C4orf51: variants seen among roughly 807,000 people sequenced by gnomAD.
The protein encoded by C4orf51 is chromosome 4 open reading frame 51.
In C4orf51, 25 loss-of-function variants were observed where a neutral mutation model predicts 25.2. The ratio of observed to expected loss-of-function variants is 0.99; its 90% CI spans 0.72 to 1.39. The LOEUF (loss-of-function observed/expected upper bound fraction) is 1.39, where lower values mean the gene tolerates loss of function less well. C4orf51 is among the 40% of genes most tolerant of loss of function. The probability of loss-of-function intolerance (pLI) is 0.00; values close to 1 mark genes in which losing one functional copy is unlikely to be tolerated. For synonymous variants in C4orf51, 100 were observed against 84.5 expected (o/e 1.18, Z -1.01); for missense variants, 252 against 239.6 (o/e 1.05, Z -0.34).
intron 5 of C4orf51, among the ~76,000 whole-genome samples, chr4:145,731,064 A>G (rs1732427945): frequency 6.6e-6 from 1 of 152,314 alleles, no homozygotes; most frequent in Admixed American, 6.5e-5. Flanking sequence ...CCTGAAAGTT[A>G]TATTGTGTGG....
At chr4:145,775,760 C>A, downstream of C4orf51, 1 of 1,612,240 alleles carries the variant, frequency 6.2e-7, no homozygotes, top group Non-Finnish European at 8.5e-7. Flanking sequence ...CTGAGAAAGG[C>A]GGACTAGCAT....
downstream of C4orf51, among the ~76,000 whole-genome samples, chr4:145,734,588 T>G (rs1297551927): frequency 6.6e-6 from 1 of 152,200 alleles, no homozygotes; most frequent in Admixed American, 6.5e-5. Flanking sequence ...CCCTTTGCTG[T>G]TCCTCCTGTT....
chr4:145,694,993 G>A (rs906564806), intron 1 of C4orf51, among the ~76,000 whole-genome samples: 18 of 152,280 alleles, frequency 1.2e-4, no homozygotes, highest in Non-Finnish European at 2.5e-4. Context: ...TTTATTTAAT[G>A]GGATTGTGGG....
At chr4:145,776,675 A>G in the C4orf51 span, among the ~76,000 whole-genome samples, 6 of 152,148 alleles carry the variant, frequency 3.9e-5, no homozygotes, top group Non-Finnish European at 7.3e-5. Flanking sequence ...GAGGGGGAAT[A>G]AAACACAGCA....
intron 1 of C4orf51, among the ~76,000 whole-genome samples, chr4:145,688,572 C>G (rs1389384554): frequency 1.3e-5 from 2 of 152,202 alleles, no homozygotes; most frequent in Non-Finnish European, 2.9e-5. Flanking sequence ...TCTCCTGCCA[C>G]CATTTAAGAT....
At chr4:145,732,804 G>T, downstream of C4orf51, 2 of 348,530 alleles carry the variant, frequency 5.7e-6, no homozygotes, top group Non-Finnish European at 5.2e-6. Flanking sequence ...TAAATACTTG[G>T]GACCACATTT....
intron 2 of C4orf51, among the ~76,000 whole-genome samples, chr4:145,709,135 A>G (rs974586278): frequency 1.5e-4 from 23 of 152,204 alleles, no homozygotes; most frequent in African/African-American, 5.5e-4. Flanking sequence ...ATAAAGTAGT[A>G]ACCTCCAGAG....
At chr4:145,747,220 T>C (rs546561523) in intron 1 of C4orf51, among the ~76,000 whole-genome samples, 16 of 152,252 alleles carry the variant, frequency 1.1e-4, no homozygotes, top group Admixed American at 1.0e-3. Context: ...AGCTATGGCT[T>C]CCAGTACTAT....
At chr4:145,724,638 T>C (rs1731937497) in intron 2 of C4orf51, among the ~76,000 whole-genome samples, 1 of 151,854 alleles carries the variant, frequency 6.6e-6, no homozygotes, top group Admixed American at 6.6e-5. Flanking sequence ...TCCCAGCACT[T>C]TGAGAGGCTG....
At chr4:145,705,672 C>T (rs559680514) in intron 2 of C4orf51, among the ~76,000 whole-genome samples, 20 of 152,210 alleles carry the variant, frequency 1.3e-4, no homozygotes, top group African/African-American at 4.8e-4. Flanking sequence ...CAGGATTTTG[C>T]CTCTGTCGTG....
Position 145,765,405 on chromosome 4 carries a change from A to G in C4orf51, n.167-5583A>G, listed in dbSNP as rs1735135695. 8.9e-7 allele frequency: 1 copy of G among 1,128,226 alleles called. No homozygotes were observed. The highest frequency in any genetic ancestry group is 1.2e-6 in the Non-Finnish European group (1 of 811,900). 69.9% of individuals were successfully genotyped at this position (1,128,226 alleles called of 1,614,324 possible). On this transcript the variant is annotated intron_variant and non_coding_transcript_variant, in intron 1 of 1. Coordinates refer to the C4orf51 transcript ENST00000510096. This position sits in a 1 kb window ranked among gnomAD's most constrained non-coding sequence, Gnocchi z 4.7. ...GGATTCAAATTAAGCCAAAAGAAAT[A>G]CAACCTTTAGGTGAGGCCCAGCATA...
the C4orf51 span, among the ~76,000 whole-genome samples, chr4:145,787,718 T>C: frequency 6.6e-6 from 1 of 152,142 alleles, no homozygotes; most frequent in Admixed American, 6.5e-5. Context: ...ACCCATCTGA[T>C]AGAATTCAGG....
chr4:145,683,318 G>A (rs999009117), intron 1 of C4orf51, among the ~76,000 whole-genome samples: 1 of 152,164 alleles, frequency 6.6e-6, no homozygotes, highest in Non-Finnish European at 1.5e-5. Flanking sequence ...TTATCAAGAT[G>A]TCAGCCCTTC....
chr4:145,739,272 C>T (rs1228874631), intron 1 of C4orf51, among the ~76,000 whole-genome samples: 1 of 152,200 alleles, frequency 6.6e-6, no homozygotes, highest in African/African-American at 2.4e-5. Flanking sequence ...TCAGAAAAGA[C>T]TGTGCAGTGA....
At chr4:145,749,536 A>G (rs1022348511) in intron 1 of C4orf51, among the ~76,000 whole-genome samples, 4 of 151,450 alleles carry the variant, frequency 2.6e-5, no homozygotes, top group African/African-American at 9.7e-5. Flanking sequence ...CACTGGTGAT[A>G]TGATTTAGTT....
downstream of C4orf51, chr4:145,758,675 A>G (rs983415177): frequency 6.6e-6 from 1 of 152,208 alleles, no homozygotes; most frequent in African/African-American, 2.4e-5. Flanking sequence ...TCTTTTACTG[A>G]GACATTGACG....
At chr4:145,729,517 G>A (rs1428402689) in intron 4 of C4orf51, among the ~76,000 whole-genome samples, 14 of 151,978 alleles carry the variant, frequency 9.2e-5, no homozygotes, top group Admixed American at 3.9e-4. Flanking sequence ...TAGCCAGGAT[G>A]GTCTCGATCT....
At chr4:145,766,459 G>T (rs940762593) in intron 1 of C4orf51, among the ~76,000 whole-genome samples, 5 of 152,188 alleles carry the variant, frequency 3.3e-5, no homozygotes, top group Non-Finnish European at 7.3e-5. Context: ...CAAAAGAGGT[G>T]AGCCATATGA....
At position 145,696,684 on chromosome 4, in the gene C4orf51, G is replaced by A. The variant is rs111798737; in HGVS notation, c.307+52G>A. On this transcript the variant is annotated intron_variant, in intron 2 of 5. Coordinates refer to ENST00000438731, the MANE Select transcript of C4orf51 (RefSeq NM_001080531.3). ...GCCCAGCCCTTTTGCCAGGGTTGCT[G>A]TGTTTCTTTCAGGTTCTTTTTTTTT... The A allele has an allele frequency of 1.8e-4, 244 of 1,384,064 alleles. No homozygotes were observed. The African/African-American group carries it at 2.9e-3, about 17-fold the overall frequency. 85.7% of individuals were successfully genotyped at this position (1,384,064 alleles called of 1,614,324 possible). A position where few individuals can be genotyped will look rare whatever the true frequency, so the allele number is the denominator to read the frequency against.
Sources: allele counts gnomAD v4.1 joint callset (sites outside exome capture counted in the v4.1 genomes callset), GRCh38; gene constraint gnomAD v4.1.1; non-coding constraint Gnocchi (gnomAD v3.1); transcripts MANE v1.5; gene names NCBI Gene and HGNC (gene_info 2026-07-23, HGNC 2026-07-21).